Variants in CTNNA2 observed in about 807,000 individuals in gnomAD.
The protein encoded by CTNNA2 is catenin alpha 2.
A neutral mutation model predicts 101.0 loss-of-function variants in CTNNA2; 42 were observed. That is an observed-to-expected ratio of 0.42 (90% CI 0.32 to 0.54). CTNNA2 has a LOEUF of 0.54. CTNNA2 is among the 20% of genes least tolerant of loss of function. CTNNA2 has a pLI of 0.14. For missense variants in CTNNA2, 871 were observed against 1,223.1 expected (o/e 0.71, Z 4.29); for synonymous variants, 450 against 456.4 (o/e 0.99, Z 0.18).
At chr2:79,458,572 AC>A (rs779306076) in intron 4 of CTNNA2, among the ~76,000 whole-genome samples, 1 of 152,038 alleles carries the variant, frequency 6.6e-6, no homozygotes, top group African/African-American at 2.4e-5. Flanking sequence ...TTTCTAGTTC[AC>A]CCTAGCACGA....
intron 9 of CTNNA2, among the ~76,000 whole-genome samples, chr2:80,502,047 A>G (rs777310878): frequency 8.5e-4 from 129 of 152,292 alleles, no homozygotes; most frequent in Non-Finnish European, 1.7e-3. Flanking sequence ...ATGGCTGTGG[A>G]GTCAGAGAGG....
At chr2:79,500,218 TTC>T (rs1671304318) in intron 4 of CTNNA2, among the ~76,000 whole-genome samples, 1 of 152,216 alleles carries the variant, frequency 6.6e-6, no homozygotes, top group African/African-American at 2.4e-5. Context: ...TTCCACTAAT[TTC>T]TGTGTCTTCT....
At chr2:80,368,507 C>A (rs1039831604) in intron 7 of CTNNA2, among the ~76,000 whole-genome samples, 1 of 150,938 alleles carries the variant, frequency 6.6e-6, no homozygotes, top group African/African-American at 2.4e-5. Context: ...TTTTTTTTAA[C>A]CATTTTTGCT....
intron 4 of CTNNA2, among the ~76,000 whole-genome samples, chr2:79,472,852 C>A (rs1398873631): frequency 6.6e-6 from 1 of 152,184 alleles, no homozygotes; most frequent in Non-Finnish European, 1.5e-5. Context: ...CAACCTTCAA[C>A]AATTTGCTGA....
chr2:79,653,153 A>G (rs898284195), intron 2 of CTNNA2, among the ~76,000 whole-genome samples: 2 of 152,196 alleles, frequency 1.3e-5, no homozygotes, highest in Non-Finnish European at 2.9e-5. Context: ...GGAAAATTCC[A>G]TTAGATTTCA....
chr2:80,415,917 C>T (rs910021022), intron 8 of CTNNA2, among the ~76,000 whole-genome samples: 3 of 152,018 alleles, frequency 2.0e-5, no homozygotes, highest in African/African-American at 7.2e-5. Context: ...GGGCACTGTG[C>T]TTAGTGAAAT....
intron 14 of CTNNA2, among the ~76,000 whole-genome samples, chr2:80,582,148 T>G (rs2149719679): frequency 6.6e-6 from 1 of 152,202 alleles, no homozygotes; most frequent in Middle Eastern, 3.4e-3. Flanking sequence ...AATACTCAAA[T>G]TTTGCATTGG....
At chr2:79,831,466 A>C (rs577526611) in intron 3 of CTNNA2, among the ~76,000 whole-genome samples, 5 of 151,980 alleles carry the variant, frequency 3.3e-5, no homozygotes, top group African/African-American at 1.2e-4. Flanking sequence ...CTTTTTTTTT[A>C]ATGTTCTTAG....
intron 7 of CTNNA2, among the ~76,000 whole-genome samples, chr2:80,149,521 T>C (rs531930596): frequency 1.3e-5 from 2 of 152,310 alleles, no homozygotes; most frequent in African/African-American, 4.8e-5. Context: ...CTTCTTTCTC[T>C]ATGTCAGGGC....
chr2:80,553,679 C>T (rs186938725), intron 11 of CTNNA2, among the ~76,000 whole-genome samples: 29 of 152,232 alleles, frequency 1.9e-4, no homozygotes, highest in African/African-American at 6.0e-4. Flanking sequence ...AAATAGCAGC[C>T]GGATGTGTGA....
intron 1 of CTNNA2, among the ~76,000 whole-genome samples, chr2:79,544,893 A>G (rs997641140): frequency 6.6e-6 from 1 of 152,136 alleles, no homozygotes; most frequent in African/African-American, 2.4e-5. Flanking sequence ...ACTCCATTCA[A>G]AGGACATCTA....
intron 9 of CTNNA2, among the ~76,000 whole-genome samples, chr2:80,510,874 C>A (rs1688651646): frequency 6.6e-6 from 1 of 152,134 alleles, no homozygotes. Context: ...TCTCTGTATC[C>A]ATAGCAGAAG....
At chr2:80,301,640 G>T (rs1676317232) in intron 7 of CTNNA2, among the ~76,000 whole-genome samples, 1 of 152,138 alleles carries the variant, frequency 6.6e-6, no homozygotes, top group African/African-American at 2.4e-5. Flanking sequence ...GTAATATAAA[G>T]GGTCTTGCAG....
intron 7 of CTNNA2, among the ~76,000 whole-genome samples, chr2:80,333,772 C>T (rs950038939): frequency 3.9e-5 from 6 of 152,180 alleles, no homozygotes; most frequent in Non-Finnish European, 5.9e-5. Context: ...TGCAGGTGCG[C>T]ACCATCATGC....
intron 3 of CTNNA2, among the ~76,000 whole-genome samples, chr2:79,857,580 T>G (rs1406587015): frequency 6.6e-6 from 1 of 152,204 alleles, no homozygotes; most frequent in Non-Finnish European, 1.5e-5. Flanking sequence ...ACAGTGTTAA[T>G]GAGGCCAAGG....
intron 4 of CTNNA2, among the ~76,000 whole-genome samples, chr2:79,859,579 A>C (rs1484853721): frequency 6.6e-6 from 1 of 152,026 alleles, no homozygotes; most frequent in Non-Finnish European, 1.5e-5. Context: ...CAGGTCCCTG[A>C]GCAGCAGGGG....
chr2:79,291,613 C>A (rs746785847), intron 2 of CTNNA2, among the ~76,000 whole-genome samples: 1 of 152,152 alleles, frequency 6.6e-6, no homozygotes, highest in Non-Finnish European at 1.5e-5. Context: ...ACTTAATAAG[C>A]TCCCATTTAC....
chr2:79,272,285 T>A (rs772443363), intron 2 of CTNNA2, among the ~76,000 whole-genome samples: 4 of 151,988 alleles, frequency 2.6e-5, no homozygotes, highest in Admixed American at 6.6e-5. Flanking sequence ...AGATTTCAGA[T>A]CTCTTCCTGA....
intron 2 of CTNNA2, among the ~76,000 whole-genome samples, chr2:79,199,697 T>A (rs556433304): frequency 6.6e-6 from 1 of 152,238 alleles, no homozygotes; most frequent in African/African-American, 2.4e-5. Context: ...GAGATTTACT[T>A]CTCACAGTTC....
Sources: allele counts gnomAD v4.1 joint callset (sites outside exome capture counted in the v4.1 genomes callset), GRCh38; gene constraint gnomAD v4.1.1; transcripts MANE v1.5; gene names NCBI Gene and HGNC (gene_info 2026-07-23, HGNC 2026-07-21).